The following NFIB variants were observed in gnomAD, a reference collection of about 807,000 sequenced individuals.
NFIB encodes the protein nuclear factor 1 B-type.
NFIB carries 11 observed loss-of-function variants against 61.5 expected under a neutral mutation model. The ratio of observed to expected loss-of-function variants is 0.18; its 90% CI spans 0.11 to 0.30. The LOEUF is 0.30. Ranked by LOEUF, NFIB falls within the 10% of genes least tolerant of loss-of-function variation. NFIB has a pLI of 1.00. For missense variants in NFIB, 471 were observed against 608.9 expected, an observed-to-expected ratio of 0.77 and a Z score of 2.38; for synonymous variants, 260 against 216.5, an observed-to-expected ratio of 1.20 and a Z score of -1.76.
intron 2 of NFIB, among the ~76,000 whole-genome samples, chr9:14,216,102 G>C (rs565988612): frequency 3.3e-5 from 5 of 152,242 alleles, no homozygotes; most frequent in African/African-American, 1.2e-4. Context: ...TCAATATTAA[G>C]AAATAACAGA....
chr9:14,404,847 C>T, the NFIB span, among the ~76,000 whole-genome samples: 1 of 152,114 alleles, frequency 6.6e-6, no homozygotes, highest in Non-Finnish European at 1.5e-5. Flanking sequence ...ATGCTGGAGG[C>T]ATTGGTGGTG....
At chr9:14,386,204 A>G (rs2061547447) in intron 1 of NFIB, among the ~76,000 whole-genome samples, 3 of 152,244 alleles carry the variant, frequency 2.0e-5, no homozygotes, top group Admixed American at 1.3e-4. Flanking sequence ...ATGTAGCATA[A>G]TATATGTAGC....
intron 1 of NFIB, among the ~76,000 whole-genome samples, chr9:14,375,454 G>A (rs953673220): frequency 3.3e-5 from 5 of 152,102 alleles, no homozygotes; most frequent in African/African-American, 4.8e-5. Context: ...TCAGCAGTTC[G>A]AGACCAGCCT....
the NFIB span, among the ~76,000 whole-genome samples, chr9:14,451,610 A>G: frequency 1.3e-5 from 2 of 152,264 alleles, no homozygotes; most frequent in Non-Finnish European, 2.9e-5. Flanking sequence ...ATCATCAAAT[A>G]TCGAACTAGC....
At chr9:14,388,792 T>G (rs980889186) in intron 1 of NFIB, among the ~76,000 whole-genome samples, 1 of 152,184 alleles carries the variant, frequency 6.6e-6, no homozygotes, top group Non-Finnish European at 1.5e-5. Context: ...GGCAATAAGT[T>G]TATGTGTTCA....
chr9:14,529,671 A>ATGATAAT, the NFIB span, among the ~76,000 whole-genome samples: 1 of 152,200 alleles, frequency 6.6e-6, no homozygotes, highest in Non-Finnish European at 1.5e-5. Flanking sequence ...CAAGTTTTCA[A>ATGATAAT]TGACACATTA....
chr9:14,123,233 G>C (rs1392425199), intron 7 of NFIB, among the ~76,000 whole-genome samples: 1 of 147,124 alleles, frequency 6.8e-6, no homozygotes, highest in African/African-American at 2.6e-5. Flanking sequence ...CTCCAGCCTG[G>C]AGTAAGACCC....
intron 10 of NFIB, among the ~76,000 whole-genome samples, chr9:14,099,380 T>A (rs1277047968): frequency 6.6e-6 from 1 of 152,338 alleles, no homozygotes; most frequent in South Asian, 2.1e-4. Flanking sequence ...GCCCTGAAGA[T>A]TTTAGATGTC....
chr9:14,496,552 T>C, the NFIB span, among the ~76,000 whole-genome samples: 16 of 152,350 alleles, frequency 1.1e-4, no homozygotes, highest in East Asian at 1.5e-3. Context: ...ATCTTCAGCA[T>C]CTGTGAGCTC....
intron 8 of NFIB, among the ~76,000 whole-genome samples, chr9:14,119,327 T>G (rs1563803321): frequency 6.6e-6 from 1 of 152,188 alleles, no homozygotes; most frequent in Non-Finnish European, 1.5e-5. Flanking sequence ...AAATAATAAT[T>G]TTAACTTCAA....
intron 3 of NFIB, among the ~76,000 whole-genome samples, chr9:14,163,040 T>C (rs1449093446): frequency 2.0e-5 from 3 of 152,070 alleles, no homozygotes; most frequent in African/African-American, 7.2e-5. Context: ...GCTGTCTAAC[T>C]CTTCTACACC....
chr9:14,216,140 G>A (rs112379055), intron 2 of NFIB, among the ~76,000 whole-genome samples: 2 of 152,248 alleles, frequency 1.3e-5, no homozygotes, highest in African/African-American at 4.8e-5. Flanking sequence ...AAGATAGGTT[G>A]GCAATGGCTA....
chr9:14,307,104 C>T lies in NFIB; in HGVS notation c.447G>A (p.Glu149=). 6.2e-7 allele frequency: 1 copy of T among 1,614,164 alleles called. No homozygotes were observed. Among genetic ancestry groups the T allele is most frequent in the South Asian group, 1.1e-5 (1 of 91,084 alleles). ...TGCAATGTGGGGATTTCATGAGCCG[C>T]TCTCCATCGGTACTTTCCAAGGGGA... ...KGIPLESTDG[E]RLMKSPHCTN... Residue 149 remains glutamate, a synonymous_variant, in exon 2 of 11, where the codon GAG becomes GAA. Coordinates refer to ENST00000380953, the MANE Select transcript of NFIB (RefSeq NM_001190737.2). The surrounding 1 kb of genome is among the most constrained non-coding windows in gnomAD (Gnocchi z 5.3).
the NFIB span, among the ~76,000 whole-genome samples, chr9:14,465,237 A>C: frequency 1.3e-5 from 2 of 152,212 alleles, no homozygotes; most frequent in African/African-American, 4.8e-5. Flanking sequence ...TGGAAGCATT[A>C]TCTCTGAGCC....
Position 14,143,223 on chromosome 9 carries a change from A to G in NFIB, c.925+3466T>C, listed in dbSNP as rs186242769. On this transcript the variant is annotated intron_variant, in intron 6 of 10. Coordinates refer to ENST00000380953, the MANE Select transcript of NFIB (RefSeq NM_001190737.2). ...AAGGACATAATTAATTTATTATTGT[A>G]ATATGCTAAAAATACTTTTTCATTA... 5.1e-3 allele frequency among the ~76,000 whole-genome samples: 770 copies of G among 152,248 alleles called. 7 individuals are homozygous for G. Among genetic ancestry groups the G allele is most frequent in the African/African-American group, 0.016 (668 of 41,576 alleles).
chr9:14,341,281 G>C (rs150831610), intron 1 of NFIB, among the ~76,000 whole-genome samples: 38 of 152,276 alleles, frequency 2.5e-4, no homozygotes, highest in African/African-American at 8.9e-4. Context: ...TGCAGGTTGT[G>C]GACTGCCCAT....
the NFIB span, among the ~76,000 whole-genome samples, chr9:14,462,371 C>T: frequency 6.6e-6 from 1 of 151,944 alleles, no homozygotes; most frequent in Non-Finnish European, 1.5e-5. Flanking sequence ...CAAGCTCCGC[C>T]TCCCGGGTTC....
chr9:14,422,278 C>A, the NFIB span, among the ~76,000 whole-genome samples: 1 of 151,998 alleles, frequency 6.6e-6, no homozygotes, highest in South Asian at 2.1e-4. Flanking sequence ...TGGTTATTGG[C>A]CACTTTTACT....
the NFIB span, among the ~76,000 whole-genome samples, chr9:14,520,840 G>A: frequency 6.6e-6 from 1 of 152,172 alleles, no homozygotes; most frequent in Non-Finnish European, 1.5e-5. Context: ...GATTATTTCA[G>A]TTCTATGTAT....
Sources: gnomAD v4.1 joint callset for allele counts (sites outside exome capture counted in the v4.1 genomes callset) on GRCh38, gnomAD v4.1.1 for gene constraint, Gnocchi (gnomAD v3.1) non-coding constraint, MANE v1.5 for transcripts, NCBI Gene and HGNC (gene_info 2026-07-23, HGNC 2026-07-21) for gene names.